Variants in MYLK3 observed in about 807,000 individuals in gnomAD.
MYLK3 encodes the protein MLC kinase.
Under a neutral mutation model 76.3 loss-of-function variants are expected in MYLK3, and 55 were observed. That is an observed-to-expected ratio of 0.72 (90% CI 0.58 to 0.90). MYLK3 has a LOEUF of 0.90. Ranked by LOEUF, MYLK3 falls within the 40% of genes least tolerant of loss-of-function variation. The pLI is 0.00. For missense variants in MYLK3, 973 were observed against 1,053.6 expected (o/e 0.92, Z 1.06); for synonymous variants, 416 against 425.4 (o/e 0.98, Z 0.27).
rs1224062260 is a variant in MYLK3, at chr16:46,747,936, G to A, written c.258C>T (p.Thr86=). ...GGADGVPHID[T]QAGWPEVLEL... is the part of the protein sequence containing the mutation. ...CCAGGACCTCGGGCCACCCAGCCTGGGTGTCAATGTGGGGAACCCCATCAG... is the reference window on the plus strand; with the variant it reads ...CCAGGACCTCGGGCCACCCAGCCTGAGTGTCAATGTGGGGAACCCCATCAG... The change falls in exon 1 of 13, where the codon ACC becomes ACT. Residue 86 remains threonine (T), a synonymous_variant. Coordinates refer to ENST00000394809, the MANE Select transcript of MYLK3 (RefSeq NM_182493.3). The A allele has an allele frequency of 6.2e-7, 1 of 1,613,530 alleles. No homozygotes were observed. Among genetic ancestry groups the A allele is most frequent in the South Asian group, 1.1e-5 (1 of 91,062 alleles).
At chr16:46,746,860 A>G (rs1967034266) in intron 1 of MYLK3, among the ~76,000 whole-genome samples, 1 of 152,002 alleles carries the variant, frequency 6.6e-6, no homozygotes, top group Admixed American at 6.5e-5. Flanking sequence ...AGGGAGGGGA[A>G]GGGGCAGCAG....
intron 1 of MYLK3, among the ~76,000 whole-genome samples, chr16:46,758,913 A>G (rs1227554402): frequency 6.6e-6 from 1 of 152,202 alleles, no homozygotes; most frequent in Non-Finnish European, 1.5e-5. Context: ...GAGATATTCA[A>G]TATTGGTTGC....
chr16:46,758,302 ACACTCTCTCT>A (rs746390157), intron 1 of MYLK3, among the ~76,000 whole-genome samples: 1,019 of 53,800 alleles, frequency 0.019, 5 homozygotes, highest in Admixed American at 0.027. Context: ...ACACACACAC[ACACTCTCTCT>A]CTCTCTCTCT....
chr16:46,748,593 G>A (rs569165803), upstream of MYLK3, among the ~76,000 whole-genome samples: 4 of 152,312 alleles, frequency 2.6e-5, no homozygotes, highest in East Asian at 5.8e-4. The surrounding 1 kb of genome is among the most constrained non-coding windows in gnomAD (Gnocchi z 4.3). Context: ...TTTGGAGAAC[G>A]GCACCTGCCA....
chr16:46,737,668 A>G (rs1438272183), intron 3 of MYLK3, 43 bp downstream of exon 3: 1 of 1,541,812 alleles, frequency 6.5e-7, no homozygotes, highest in South Asian at 1.2e-5. Context: ...GAGGGGCCAC[A>G]GTCCATCCCC....
chr16:46,731,566 A>G (rs1397138707), intron 4 of MYLK3, among the ~76,000 whole-genome samples: 1 of 152,196 alleles, frequency 6.6e-6, no homozygotes, highest in Non-Finnish European at 1.5e-5. Flanking sequence ...GAACACCGAC[A>G]GTGGTCCGTG....
At chr16:46,755,906 C>CTTTTTTTTT (rs772833701) in intron 1 of MYLK3, among the ~76,000 whole-genome samples, 2 of 109,772 alleles carry the variant, frequency 1.8e-5, no homozygotes, top group Non-Finnish European at 1.7e-5. Flanking sequence ...TTTTTTCTTT[C>CTTTTTTTTT]TTTTTTTTTT....
At chr16:46,709,788 T>C in intron 11 of MYLK3, 117 bp from the exon 12 acceptor site, 2 of 1,207,100 alleles carry the variant, frequency 1.7e-6, no homozygotes, top group Non-Finnish European at 2.3e-6. Context: ...TTTAGGCAGA[T>C]TCATGCCATG....
At chr16:46,714,479 C>T (rs432988) in intron 9 of MYLK3, among the ~76,000 whole-genome samples, 147,166 of 152,048 alleles carry the variant, frequency 0.97, 71,391 homozygotes, top group East Asian at 1. Flanking sequence ...AGGACTGGGC[C>T]TCGGGGGGCA....
At chr16:46,709,442 A>AG in intron 12 of MYLK3, 97 bp downstream of exon 12, 5 of 1,175,300 alleles carry the variant, frequency 4.3e-6, no homozygotes, top group African/African-American at 1.5e-5. Flanking sequence ...CCCAAAAAGA[A>AG]GAAAAAAAAA....
At chr16:46,747,658 C>T in intron 1 of MYLK3, 59 bp downstream of exon 1, 1 of 1,519,750 alleles carries the variant, frequency 6.6e-7, no homozygotes, top group South Asian at 1.2e-5. Context: ...GCTGCCTGGC[C>T]AGTCTCCCAC....
At chr16:46,755,414 C>T (rs1396471060) in intron 1 of MYLK3, among the ~76,000 whole-genome samples, 7 of 150,698 alleles carry the variant, frequency 4.6e-5, no homozygotes, top group Non-Finnish European at 8.9e-5. Context: ...GCCGAGATTG[C>T]GCCATTGCAC....
rs9923813 is a variant in MYLK3, at chr16:46,729,650, A to G, written c.1606T>C (p.Ser536Pro). 1.2e-6 allele frequency: 2 copies of G among 1,613,624 alleles called. No homozygotes were observed. Among genetic ancestry groups the G allele is most frequent in the Non-Finnish European group, 1.7e-6 (2 of 1,179,774 alleles). ...FGQVHRCTEK[S>P]TGLPLAAKII... The stretch of plus-strand genomic sequence containing the variant: ...TTGGCAGCCAGTGGGAGGCCTGTGG[A>G]CTTCTCTGTGCACCTGTGGACCTGG... The change falls in exon 6 of 13, where the codon TCC becomes CCC. Residue 536 changes from serine to proline, a missense_variant. Physicochemically the swap from Ser to Pro is moderately conservative, Grantham distance 74. This residue lies in a region of MYLK3 where 332 missense variants were observed against 416.6 expected (regional missense o/e 0.80). Coordinates refer to ENST00000394809, the MANE Select transcript of MYLK3 (RefSeq NM_182493.3).
intron 1 of MYLK3, among the ~76,000 whole-genome samples, chr16:46,757,225 C>T (rs908309592): frequency 1.3e-5 from 2 of 152,308 alleles, no homozygotes; most frequent in South Asian, 2.1e-4. Context: ...GTCCACCACA[C>T]GATGCATTTG....
chr16:46,761,509 T>C (rs1229046833), intron 1 of MYLK3, among the ~76,000 whole-genome samples: 3 of 151,906 alleles, frequency 2.0e-5, no homozygotes, highest in Admixed American at 2.0e-4. Flanking sequence ...CAAGAGTGTA[T>C]GTGTATGTTC....
chr16:46,745,547 C>A, intron 1 of MYLK3, among the ~76,000 whole-genome samples: 1 of 152,160 alleles, frequency 6.6e-6, no homozygotes, highest in South Asian at 2.1e-4. Context: ...AGCTCAAGAC[C>A]AGCCTGGCCA....
At chr16:46,746,610 AG>A (rs1483657704) in intron 1 of MYLK3, among the ~76,000 whole-genome samples, 1 of 152,138 alleles carries the variant, frequency 6.6e-6, no homozygotes, top group Non-Finnish European at 1.5e-5. Context: ...TTTTTTGTAG[AG>A]ACGGGGTCTT....
chr16:46,737,925 C>G lies in MYLK3; in HGVS notation c.787G>C (p.Glu263Gln). 1.2e-6 allele frequency: 2 copies of G among 1,614,198 alleles called. No homozygotes were observed. Among genetic ancestry groups the G allele is most frequent in the Non-Finnish European group, 1.7e-6 (2 of 1,180,024 alleles). Residue 263 changes from glutamate (E) to glutamine (Q), a missense_variant, in exon 3 of 13, where the codon GAA becomes CAA. Coordinates refer to ENST00000394809, the MANE Select transcript of MYLK3 (RefSeq NM_182493.3). ...ACCCTGCCGGGTGCTGGAGCCAATT[C>G]CAGGCCAGTCCTGAGGTTCTCGCTG... ...TPSENLRTGL[E>Q]LAPAPGRVNV... is the part of the protein sequence containing the mutation.
upstream of MYLK3, among the ~76,000 whole-genome samples, chr16:46,751,901 C>T (rs576816259): frequency 6.6e-6 from 1 of 152,130 alleles, no homozygotes; most frequent in African/African-American, 2.4e-5. Flanking sequence ...TCTAACTCTC[C>T]CTGATGCACA....
Sources: allele counts gnomAD v4.1 joint callset (sites outside exome capture counted in the v4.1 genomes callset), GRCh38; gene constraint gnomAD v4.1.1; regional missense constraint gnomAD v4.1.1; non-coding constraint Gnocchi (gnomAD v3.1); transcripts MANE v1.5; gene names NCBI Gene and HGNC (gene_info 2026-07-23, HGNC 2026-07-21).